Variants in ATP6V0A4 observed in about 807,000 individuals in gnomAD.
ATP6V0A4 encodes the protein ATPase H+ transporting V0 subunit a4.
ATP6V0A4 carries 86 observed loss-of-function variants against 107.3 expected under a neutral mutation model. That is an observed-to-expected ratio of 0.80 (90% CI 0.67 to 0.96). ATP6V0A4 has a LOEUF of 0.96. ATP6V0A4 is among the 40% of genes least tolerant of loss of function. The probability of loss-of-function intolerance (pLI) is 0.00; values close to 1 mark genes in which losing one functional copy is unlikely to be tolerated. For synonymous variants in ATP6V0A4, 353 were observed against 381.4 expected, an observed-to-expected ratio of 0.93 and a Z score of 0.87; for missense variants, 908 against 1,045.6, an observed-to-expected ratio of 0.87 and a Z score of 1.81.
chr7:138,779,122 C>T (rs1807808222), intron 2 of ATP6V0A4, among the ~76,000 whole-genome samples: 1 of 152,106 alleles, frequency 6.6e-6, no homozygotes, highest in Non-Finnish European at 1.5e-5. Context: ...AGGTGGATTG[C>T]TTGAGCCCAG....
At position 138,736,787 on chromosome 7, in the gene ATP6V0A4, T is replaced by A. The variant is rs151061940; in HGVS notation, c.1573-2533A>T. Among the ~76,000 whole-genome samples, 606 of 152,108 alleles carry A rather than the reference T, an allele frequency of 4.0e-3. 6 individuals are homozygous for A. Among genetic ancestry groups the A allele is most frequent in the African/African-American group, 0.014 (575 of 41,492 alleles). ...GGTTTCACCATGTTGGCCAGGCTGG[T>A]GTCAAACTCCTGACCTCAAATGATC... On this transcript the variant is annotated intron_variant, in intron 15 of 21. Transcript: ENST00000310018.
intron 20 of ATP6V0A4, among the ~76,000 whole-genome samples, chr7:138,711,671 C>T (rs1172830536): frequency 6.6e-6 from 1 of 152,192 alleles, no homozygotes; most frequent in Non-Finnish European, 1.5e-5. Flanking sequence ...AGCAGCTTCA[C>T]CCCCGTCGGG....
intron 15 of ATP6V0A4, among the ~76,000 whole-genome samples, chr7:138,735,266 G>A (rs144929750): frequency 4.0e-4 from 61 of 152,254 alleles, no homozygotes; most frequent in African/African-American, 1.4e-3. Flanking sequence ...CCACTCTGTG[G>A]AAAGGATTCC....
At chr7:138,755,412 T>C (rs1366685915) in intron 10 of ATP6V0A4, among the ~76,000 whole-genome samples, 2 of 152,176 alleles carry the variant, frequency 1.3e-5, no homozygotes, top group Non-Finnish European at 2.9e-5. Flanking sequence ...CAATAAAGGG[T>C]GCCTTTTATC....
intron 11 of ATP6V0A4, among the ~76,000 whole-genome samples, chr7:138,752,128 G>A (rs1806260663): frequency 6.6e-6 from 1 of 152,172 alleles, no homozygotes; most frequent in African/African-American, 2.4e-5. Flanking sequence ...TCAGCACTTT[G>A]GGAGGTTGAG....
chr7:138,762,447 G>T lies in ATP6V0A4; in HGVS notation c.418-13C>A. 1.2e-6 allele frequency: 2 copies of T among 1,613,908 alleles called. No homozygotes were observed. The highest frequency in any genetic ancestry group is 1.7e-6 in the Non-Finnish European group (2 of 1,179,938). ...AATTGGTTTCCGTCTGAAAGTCAAA[G>T]CACTATGATTTTCATTTAAATATAT... On this transcript the variant is annotated splice_polypyrimidine_tract_variant and intron_variant, in intron 6 of 21. Coordinates refer to ENST00000310018, the MANE Select transcript of ATP6V0A4 (RefSeq NM_020632.3).
At chr7:138,729,657 A>G (rs957375685) in intron 17 of ATP6V0A4, among the ~76,000 whole-genome samples, 1 of 152,170 alleles carries the variant, frequency 6.6e-6, no homozygotes, top group Non-Finnish European at 1.5e-5. Context: ...CATAGCTGCT[A>G]TGGTCAAAAG....
intron 3 of ATP6V0A4, among the ~76,000 whole-genome samples, chr7:138,770,214 A>G (rs1807309743): frequency 6.6e-6 from 1 of 152,086 alleles, no homozygotes; most frequent in African/African-American, 2.4e-5. Context: ...TAAAGTAAAA[A>G]GAAAGGAAAA....
intron 21 of ATP6V0A4, among the ~76,000 whole-genome samples, chr7:138,707,057 AGCT>A (rs1803407718): frequency 2.8e-5 from 2 of 70,992 alleles, no homozygotes; most frequent in Non-Finnish European, 4.9e-5. Flanking sequence ...CACCATGCCT[AGCT>A]AATTTATATG....
At chr7:138,769,314 T>TTC (rs1210936220) in intron 3 of ATP6V0A4, 63 bp from the exon 4 acceptor site, 4 of 842,478 alleles carry the variant, frequency 4.7e-6, no homozygotes, top group African/African-American at 3.5e-5. Flanking sequence ...ATTTCTTTCT[T>TTC]TTTTTTTTTT....
chr7:138,796,020 A>G (rs949178905), intron 1 of ATP6V0A4, among the ~76,000 whole-genome samples: 1 of 152,076 alleles, frequency 6.6e-6, no homozygotes, highest in Non-Finnish European at 1.5e-5. Context: ...ATCCTTGGAA[A>G]TCTTGGGGAT....
intron 5 of ATP6V0A4, among the ~76,000 whole-genome samples, chr7:138,767,897 C>T (rs138919683): frequency 1.3e-3 from 201 of 152,240 alleles, no homozygotes; most frequent in African/African-American, 4.5e-3. Context: ...TTCTAAGCTA[C>T]CTTGCACGTG....
At position 138,747,246 on chromosome 7, in the gene ATP6V0A4, G is replaced by A. The variant is rs539241967; in HGVS notation, c.1320+179C>T. 7.2e-5 allele frequency among the ~76,000 whole-genome samples: 11 copies of A among 152,172 alleles called. 1 individual carries two copies. In the South Asian group the frequency reaches 1.7e-3, roughly 23 times the overall value. On this transcript the variant is annotated intron_variant, in intron 13 of 21. Coordinates refer to ENST00000310018, the MANE Select transcript of ATP6V0A4 (RefSeq NM_020632.3). ...AAAACCCAAAAATGCTGAAAGGAAC[G>A]GCACCAAACCATCCAAAGGAATTAC...
chr7:138,732,243 C>T (rs1312748788), intron 17 of ATP6V0A4, among the ~76,000 whole-genome samples: 2 of 152,152 alleles, frequency 1.3e-5, no homozygotes, highest in Non-Finnish European at 2.9e-5. Flanking sequence ...ATAGAACATT[C>T]TACAGCTGCA....
intron 15 of ATP6V0A4, among the ~76,000 whole-genome samples, chr7:138,737,141 A>G (rs893408095): frequency 3.9e-5 from 3 of 77,634 alleles, no homozygotes; most frequent in African/African-American, 1.8e-4. Context: ...ACAAACTAAC[A>G]TAGGCACAGA....
intron 14 of ATP6V0A4, among the ~76,000 whole-genome samples, chr7:138,743,965 C>G (rs1805772613): frequency 6.6e-6 from 1 of 152,088 alleles, no homozygotes; most frequent in Non-Finnish European, 1.5e-5. Flanking sequence ...TTAAATGGAC[C>G]TACCTCTCAA....
intron 2 of ATP6V0A4, 110 bp from the exon 3 acceptor site, chr7:138,771,374 T>G: frequency 7.9e-7 from 1 of 1,271,704 alleles, no homozygotes. Flanking sequence ...AAAAATCCAT[T>G]AGGAATCACT....
intron 15 of ATP6V0A4, among the ~76,000 whole-genome samples, chr7:138,738,907 G>A (rs567512947): frequency 1.3e-5 from 2 of 152,266 alleles, no homozygotes; most frequent in Admixed American, 6.5e-5. Flanking sequence ...GCACAAGGCC[G>A]CCACCTGGTG....
chr7:138,781,663 T>C (rs969756420), intron 2 of ATP6V0A4, among the ~76,000 whole-genome samples: 1 of 151,300 alleles, frequency 6.6e-6, no homozygotes, highest in Non-Finnish European at 1.5e-5. Context: ...AATGAAGTCA[T>C]CTGTGAATAA....
Sources: gnomAD v4.1 joint callset for allele counts (sites outside exome capture counted in the v4.1 genomes callset) on GRCh38, gnomAD v4.1.1 for gene constraint, MANE v1.5 for transcripts, NCBI Gene and HGNC (gene_info 2026-07-23, HGNC 2026-07-21) for gene names.